Variants in OPCML observed in about 807,000 individuals in gnomAD.
OPCML encodes the protein opioid binding protein/cell adhesion molecule like.
OPCML carries 13 observed loss-of-function variants against 37.8 expected under a neutral mutation model. The ratio of observed to expected loss-of-function variants is 0.34; its 90% CI spans 0.22 to 0.55. The LOEUF is 0.55. Ranked by LOEUF, OPCML falls within the 20% of genes least tolerant of loss-of-function variation. The pLI is 0.91. For synonymous variants in OPCML, 176 were observed against 168.8 expected (o/e 1.04, Z -0.33); for missense variants, 341 against 435.6 (o/e 0.78, Z 1.93).
intron 4 of OPCML, among the ~76,000 whole-genome samples, chr11:132,462,392 A>G (rs2096105493): frequency 6.6e-6 from 1 of 152,112 alleles, no homozygotes; most frequent in Non-Finnish European, 1.5e-5. Flanking sequence ...TGTACCAACA[A>G]CCTGTGAAAT....
intron 1 of OPCML, among the ~76,000 whole-genome samples, chr11:133,389,428 C>T (rs73604503): frequency 0.03 from 4,603 of 152,144 alleles, 228 homozygotes; most frequent in African/African-American, 0.1. Context: ...ATGACCTCGC[C>T]GGTTAAGGCA....
chr11:133,129,924 C>A (rs1949577768), intron 1 of OPCML, among the ~76,000 whole-genome samples: 1 of 151,556 alleles, frequency 6.6e-6, no homozygotes. Context: ...AAAATAAATA[C>A]ATAAATAAAA....
intron 4 of OPCML, among the ~76,000 whole-genome samples, chr11:132,460,156 G>A (rs2096096219): frequency 6.6e-6 from 1 of 151,822 alleles, no homozygotes; most frequent in South Asian, 2.1e-4. Context: ...GCGTTCCAGG[G>A]TTGAGATGTA....
intron 1 of OPCML, among the ~76,000 whole-genome samples, chr11:133,313,832 T>C (rs1259911972): frequency 1.3e-5 from 2 of 152,172 alleles, no homozygotes; most frequent in African/African-American, 4.8e-5. Context: ...ATTTATGTTG[T>C]TTTAAACCAC....
At chr11:132,919,101 T>C (rs1944702070) in intron 2 of OPCML, among the ~76,000 whole-genome samples, 1 of 152,146 alleles carries the variant, frequency 6.6e-6, no homozygotes, top group Admixed American at 6.5e-5. Flanking sequence ...TATAAGTAGA[T>C]AGATAATGAG....
chr11:133,480,448 T>C (rs1947349583), intron 1 of OPCML, among the ~76,000 whole-genome samples: 1 of 152,220 alleles, frequency 6.6e-6, no homozygotes, highest in Admixed American at 6.5e-5. Flanking sequence ...CGTCCCATCC[T>C]TACCAGTGTC....
chr11:132,854,995 C>A (rs1941993860), intron 2 of OPCML, among the ~76,000 whole-genome samples: 1 of 152,198 alleles, frequency 6.6e-6, no homozygotes, highest in African/African-American at 2.4e-5. Context: ...AACTATTCCC[C>A]TCCTTGCCCA....
At chr11:132,472,806 C>A (rs1030996596) in intron 4 of OPCML, among the ~76,000 whole-genome samples, 1 of 152,214 alleles carries the variant, frequency 6.6e-6, no homozygotes, top group African/African-American at 2.4e-5. Context: ...GGAAGCATGG[C>A]CTGATGGCAT....
At chr11:132,779,649 C>T (rs997312986) in intron 2 of OPCML, among the ~76,000 whole-genome samples, 1 of 152,018 alleles carries the variant, frequency 6.6e-6, no homozygotes, top group Admixed American at 6.6e-5. Context: ...CTCAGGACTG[C>T]CCAGACTCTC....
intron 3 of OPCML, among the ~76,000 whole-genome samples, chr11:132,586,409 A>G (rs970664363): frequency 1.3e-5 from 2 of 152,216 alleles, no homozygotes; most frequent in African/African-American, 2.4e-5. Context: ...ACCAAATAGT[A>G]ACTCTCATTC....
At chr11:132,434,269 G>A (rs1006472034) in intron 7 of OPCML, among the ~76,000 whole-genome samples, 1 of 152,202 alleles carries the variant, frequency 6.6e-6, no homozygotes, top group Non-Finnish European at 1.5e-5. Context: ...AGTGATAGTT[G>A]AGGAGCTGAT....
chr11:133,067,278 A>G (rs1313178266), intron 1 of OPCML: 1 of 152,126 alleles, frequency 6.6e-6, no homozygotes, highest in Admixed American at 6.5e-5. Flanking sequence ...ATCTGCAGTG[A>G]GTAAAGGGTG....
intron 1 of OPCML, among the ~76,000 whole-genome samples, chr11:133,474,978 C>G (rs894628928): frequency 6.6e-6 from 1 of 152,156 alleles, no homozygotes; most frequent in Non-Finnish European, 1.5e-5. Context: ...TCCTGCCAAG[C>G]AGTGCAGGCA....
rs149178743 is a variant in OPCML, at chr11:132,858,193, C to T, written c.146+84733G>A. ...TACTGTACACATGAAAACTCAAATC[C>T]GTAGCCTGTCTGCACAGCTCTCAGG... On this transcript the variant is annotated intron_variant, in intron 2 of 7. Coordinates refer to ENST00000524381, the MANE Select transcript of OPCML (RefSeq NM_001012393.5). 1.5e-3 allele frequency among the ~76,000 whole-genome samples: 236 copies of T among 152,292 alleles called. 3 individuals are homozygous for T. In the East Asian group the frequency reaches 0.038, roughly 24 times the overall value.
intron 1 of OPCML, among the ~76,000 whole-genome samples, chr11:133,135,176 T>C (rs1949668198): frequency 6.6e-6 from 1 of 152,364 alleles, no homozygotes; most frequent in South Asian, 2.1e-4. Context: ...TCTCATTTGA[T>C]GGTATATTAT....
At chr11:133,364,855 T>C (rs1300364918) in intron 1 of OPCML, among the ~76,000 whole-genome samples, 1 of 152,054 alleles carries the variant, frequency 6.6e-6, no homozygotes, top group African/African-American at 2.4e-5. Flanking sequence ...GTGGGGGGTG[T>C]GTGGTGAGGG....
intron 1 of OPCML, among the ~76,000 whole-genome samples, chr11:133,236,033 A>G (rs1312962029): frequency 6.6e-6 from 1 of 152,218 alleles, no homozygotes; most frequent in East Asian, 1.9e-4. Flanking sequence ...CTATACATAC[A>G]TCCCTGTGAT....
chr11:132,702,786 G>C (rs1943880325), intron 2 of OPCML, among the ~76,000 whole-genome samples: 1 of 151,330 alleles, frequency 6.6e-6, no homozygotes, highest in Non-Finnish European at 1.5e-5. Flanking sequence ...CAAATGACAT[G>C]ACTTTGATCT....
intron 3 of OPCML, among the ~76,000 whole-genome samples, chr11:132,604,759 C>A (rs1051214043): frequency 6.6e-5 from 10 of 152,116 alleles, no homozygotes; most frequent in African/African-American, 2.4e-4. Context: ...GGAACAACAG[C>A]CTTTTTAATT....
Sources: gnomAD v4.1 joint callset for allele counts (sites outside exome capture counted in the v4.1 genomes callset) on GRCh38, gnomAD v4.1.1 for gene constraint, MANE v1.5 for transcripts, NCBI Gene and HGNC (gene_info 2026-07-23, HGNC 2026-07-21) for gene names.